The following HS6ST3 variants were observed in gnomAD, a reference collection of about 807,000 sequenced individuals.
The protein encoded by HS6ST3 is heparan-sulfate 6-O-sulfotransferase 3.
In HS6ST3, 12 loss-of-function variants were observed where a neutral mutation model predicts 36.7. The observed-to-expected ratio is 0.33, with a 90% CI of 0.21 to 0.53. The LOEUF is 0.53. Among genes scored for constraint, HS6ST3 ranks in the 20% least tolerant of loss-of-function variants. HS6ST3 has a pLI of 0.95. For synonymous variants in HS6ST3, 240 were observed against 257.5 expected, an observed-to-expected ratio of 0.93 and a Z score of 0.65; for missense variants, 584 against 640.9, an observed-to-expected ratio of 0.91 and a Z score of 0.96.
chr13:96,332,480 A>G (rs1183818275), intron 1 of HS6ST3, among the ~76,000 whole-genome samples: 1 of 152,182 alleles, frequency 6.6e-6, no homozygotes, highest in Non-Finnish European at 1.5e-5. Context: ...GAGCCTGCCA[A>G]AGTTCAGATA....
intron 1 of HS6ST3, among the ~76,000 whole-genome samples, chr13:96,349,679 A>G (rs938503482): frequency 3.9e-5 from 6 of 152,212 alleles, no homozygotes; most frequent in African/African-American, 1.4e-4. Context: ...TTATTGCAAC[A>G]TAAGACAAAA....
chr13:96,755,317 C>A (rs556151278), intron 1 of HS6ST3, among the ~76,000 whole-genome samples: 2 of 152,204 alleles, frequency 1.3e-5, no homozygotes, highest in Admixed American at 6.5e-5. Context: ...CTCATTCATG[C>A]AGCTGCATGT....
chr13:96,337,503 G>A (rs894058245), intron 1 of HS6ST3, among the ~76,000 whole-genome samples: 5 of 152,072 alleles, frequency 3.3e-5, no homozygotes, highest in African/African-American at 4.8e-5. Context: ...ATTGTTTCCA[G>A]TTTCCAGCAT....
At chr13:96,364,297 C>T (rs1393683952) in intron 1 of HS6ST3, among the ~76,000 whole-genome samples, 1 of 152,070 alleles carries the variant, frequency 6.6e-6, no homozygotes, top group Non-Finnish European at 1.5e-5. Flanking sequence ...TACTTGTACA[C>T]CCATGTTCAT....
chr13:96,667,088 A>G (rs923246692), intron 1 of HS6ST3, among the ~76,000 whole-genome samples: 14 of 152,332 alleles, frequency 9.2e-5, no homozygotes, highest in South Asian at 4.1e-4. Flanking sequence ...ATACTCATAA[A>G]ATAGTATGAC....
chr13:96,172,602 A>G (rs1388540724), intron 1 of HS6ST3, among the ~76,000 whole-genome samples: 2 of 152,188 alleles, frequency 1.3e-5, no homozygotes, highest in Non-Finnish European at 2.9e-5. Flanking sequence ...TAAATAAATT[A>G]TTATTTACAA....
At chr13:96,650,261 GAAGAAC>G in intron 1 of HS6ST3, among the ~76,000 whole-genome samples, 1 of 152,060 alleles carries the variant, frequency 6.6e-6, no homozygotes. Flanking sequence ...TTAAGCTGCA[GAAGAAC>G]AGGAATGCCA....
chr13:96,407,192 CA>C (rs2055482890), intron 1 of HS6ST3, among the ~76,000 whole-genome samples: 1 of 152,070 alleles, frequency 6.6e-6, no homozygotes, highest in African/African-American at 2.4e-5. Context: ...ATTTTAAGTT[CA>C]AAAGGGGAGA....
intron 1 of HS6ST3, among the ~76,000 whole-genome samples, chr13:96,809,598 GA>G (rs1419157466): frequency 6.6e-6 from 1 of 152,178 alleles, no homozygotes; most frequent in Non-Finnish European, 1.5e-5. Context: ...CTGTACAGAG[GA>G]GCAGCAGACC....
chr13:96,181,255 T>C (rs921734878), intron 1 of HS6ST3, among the ~76,000 whole-genome samples: 2 of 152,134 alleles, frequency 1.3e-5, no homozygotes, highest in African/African-American at 4.8e-5. Flanking sequence ...GACCTTTTTT[T>C]CCCCCAAACT....
chr13:96,231,739 G>A (rs557151242), intron 1 of HS6ST3, among the ~76,000 whole-genome samples: 1 of 152,220 alleles, frequency 6.6e-6, no homozygotes, highest in South Asian at 2.1e-4. Flanking sequence ...AAAGTAGGAC[G>A]TTTTTCTGGA....
intron 1 of HS6ST3, among the ~76,000 whole-genome samples, chr13:96,793,717 C>T (rs745873040): frequency 2.0e-5 from 3 of 152,050 alleles, no homozygotes; most frequent in South Asian, 2.1e-4. Context: ...CATCATTAGA[C>T]GATGCACATT....
At chr13:96,391,482 T>C (rs1566347042) in intron 1 of HS6ST3, among the ~76,000 whole-genome samples, 2 of 152,218 alleles carry the variant, frequency 1.3e-5, no homozygotes, top group Non-Finnish European at 2.9e-5. Context: ...ACAGACACTT[T>C]GCCTTCTTGC....
intron 1 of HS6ST3, among the ~76,000 whole-genome samples, chr13:96,616,256 T>C (rs1441025819): frequency 6.6e-6 from 1 of 152,202 alleles, no homozygotes; most frequent in Non-Finnish European, 1.5e-5. Flanking sequence ...TGCTAATCCA[T>C]AAACTAGACA....
At chr13:96,586,979 C>T (rs1263153082) in intron 1 of HS6ST3, among the ~76,000 whole-genome samples, 8 of 151,918 alleles carry the variant, frequency 5.3e-5, no homozygotes, top group South Asian at 2.1e-4. Context: ...ATATAGTATG[C>T]GATAAGGGTC....
At chr13:96,700,303 C>T (rs1303088287) in intron 1 of HS6ST3, among the ~76,000 whole-genome samples, 4 of 152,166 alleles carry the variant, frequency 2.6e-5, no homozygotes, top group Non-Finnish European at 4.4e-5. Context: ...ATAAAACTAT[C>T]ACATCTCGTG....
intron 1 of HS6ST3, among the ~76,000 whole-genome samples, chr13:96,575,919 TCAA>T (rs981959565): frequency 3.2e-4 from 48 of 152,326 alleles, no homozygotes; most frequent in Non-Finnish European, 5.0e-4. Context: ...ACACTGGTTT[TCAA>T]CAACATCTCA....
intron 1 of HS6ST3, among the ~76,000 whole-genome samples, chr13:96,106,358 GCTCT>G (rs147780978): frequency 2.0e-5 from 3 of 150,152 alleles, no homozygotes; most frequent in South Asian, 4.2e-4. Context: ...TCTGTCTCTT[GCTCT>G]CTCTCTCTCT....
At chr13:96,662,631 A>T (rs1285191607) in intron 1 of HS6ST3, among the ~76,000 whole-genome samples, 2 of 151,754 alleles carry the variant, frequency 1.3e-5, no homozygotes, top group Non-Finnish European at 2.9e-5. Context: ...CAACATTCTC[A>T]TTTCAGTTAG....
Sources: gnomAD v4.1 joint callset for allele counts (sites outside exome capture counted in the v4.1 genomes callset) on GRCh38, gnomAD v4.1.1 for gene constraint, MANE v1.5 for transcripts, NCBI Gene and HGNC (gene_info 2026-07-23, HGNC 2026-07-21) for gene names.